The following NAALADL2 variants were observed in gnomAD, a reference collection of about 807,000 sequenced individuals.
The protein encoded by NAALADL2 is inactive N-acetylated-alpha-linked acidic dipeptidase-like protein 2.
In NAALADL2, 76 loss-of-function variants were observed where a neutral mutation model predicts 87.2. That is an observed-to-expected ratio of 0.87 (90% CI 0.72 to 1.05). The LOEUF is 1.05. Among genes scored for constraint, NAALADL2 ranks in the 50% least tolerant of loss-of-function variants. The pLI, the probability that NAALADL2 is intolerant of heterozygous loss-of-function variation, is 0.00. For missense variants in NAALADL2, 1,089 were observed against 945.8 expected, an observed-to-expected ratio of 1.15 and a Z score of -1.99; for synonymous variants, 354 against 331.0, an observed-to-expected ratio of 1.07 and a Z score of -0.75.
At chr3:174,923,841 T>A (rs1443889087) in intron 1 of NAALADL2, among the ~76,000 whole-genome samples, 1 of 152,146 alleles carries the variant, frequency 6.6e-6, no homozygotes, top group African/African-American at 2.4e-5. Flanking sequence ...AGAGGTAGAA[T>A]ACAGAACCTC....
At chr3:174,784,602 C>T (rs1716378862) in intron 3 of NAALADL2, among the ~76,000 whole-genome samples, 1 of 152,188 alleles carries the variant, frequency 6.6e-6, no homozygotes, top group Admixed American at 6.5e-5. Flanking sequence ...GGGAAGACAG[C>T]ATCAACATTG....
At chr3:175,414,874 A>T (rs1406524256) in intron 5 of NAALADL2, among the ~76,000 whole-genome samples, 1 of 152,180 alleles carries the variant, frequency 6.6e-6, no homozygotes, top group Non-Finnish European at 1.5e-5. Flanking sequence ...AGACAAAAAG[A>T]TATGAGAAGA....
chr3:175,596,145 A>G (rs1044913724), intron 10 of NAALADL2, among the ~76,000 whole-genome samples: 3 of 151,930 alleles, frequency 2.0e-5, no homozygotes, highest in African/African-American at 4.8e-5. Context: ...AGTATTTCCA[A>G]GTGAATTGCT....
chr3:175,619,540 G>A (rs906478113), intron 10 of NAALADL2, among the ~76,000 whole-genome samples: 9 of 150,752 alleles, frequency 6.0e-5, no homozygotes, highest in Admixed American at 2.0e-4. Flanking sequence ...CTTGCTCTAT[G>A]CTAATGGATT....
intron 1 of NAALADL2, among the ~76,000 whole-genome samples, chr3:174,943,973 C>T (rs967522109): frequency 6.6e-6 from 1 of 152,046 alleles, no homozygotes; most frequent in Admixed American, 6.5e-5. Flanking sequence ...TAACTGGAGG[C>T]CCAGGCCTGG....
intron 9 of NAALADL2, among the ~76,000 whole-genome samples, chr3:175,509,417 G>A (rs909363916): frequency 1.3e-5 from 2 of 152,060 alleles, no homozygotes; most frequent in Non-Finnish European, 2.9e-5. Context: ...TTCCTCTCTT[G>A]GGGATATGTA....
In NAALADL2 at chr3:175,097,011, C is replaced by A. The variant is rs767910178; in HGVS notation, c.265C>A (p.Pro89Thr). Residue 89 changes from proline (P) to threonine (T), a missense_variant, in exon 2 of 14, where the codon CCA (proline) becomes ACA (threonine). Transcript: ENST00000454872. Reference protein sequence around the residue: ...TIDLNLDSIQPATSPKGRFQR... With the variant: ...TIDLNLDSIQTATSPKGRFQR... Reference sequence around the variant, plus strand: ...AGACCTCAATCTTGATTCCATTCAACCAGCAACTTCACCCAAAGGAAGGTT... The same window carrying A: ...AGACCTCAATCTTGATTCCATTCAAACAGCAACTTCACCCAAAGGAAGGTT... 6.2e-7 allele frequency: 1 copy of A among 1,613,526 alleles called. No individual in the cohort carries two copies.
intron 3 of NAALADL2, among the ~76,000 whole-genome samples, chr3:174,786,461 A>T (rs367738136): frequency 0.016 from 2,277 of 139,052 alleles, 46 homozygotes; most frequent in South Asian, 0.059. Flanking sequence ...AAAAAAAAAA[A>T]AAAAATAATA....
At chr3:174,827,135 CT>C (rs1314330641) in intron 3 of NAALADL2, among the ~76,000 whole-genome samples, 1 of 152,004 alleles carries the variant, frequency 6.6e-6, no homozygotes, top group Admixed American at 6.6e-5. Flanking sequence ...TTCTCACTCA[CT>C]TTTTTTTCTC....
intron 1 of NAALADL2, among the ~76,000 whole-genome samples, chr3:174,529,350 G>A (rs1721038918): frequency 6.6e-6 from 1 of 152,160 alleles, no homozygotes; most frequent in Non-Finnish European, 1.5e-5. Context: ...CTGCCCCTGT[G>A]GCTCTGCAGG....
chr3:174,993,217 A>G (rs1052799009), intron 1 of NAALADL2, among the ~76,000 whole-genome samples: 6 of 152,160 alleles, frequency 3.9e-5, no homozygotes, highest in African/African-American at 1.4e-4. Context: ...AAAAGAAACA[A>G]TAAGTAAATT....
At chr3:174,682,046 T>C (rs9864112) in intron 2 of NAALADL2, among the ~76,000 whole-genome samples, 6,323 of 151,280 alleles carry the variant, frequency 0.042, 468 homozygotes, top group African/African-American at 0.14. Context: ...ATGGGGAGAG[T>C]GCTTGTACAA....
chr3:174,735,891 C>T (rs1015926159), intron 2 of NAALADL2, among the ~76,000 whole-genome samples: 3 of 152,148 alleles, frequency 2.0e-5, no homozygotes, highest in African/African-American at 7.2e-5. Flanking sequence ...GCGCTTGGCT[C>T]ACACTACTGG....
chr3:174,903,959 A>G (rs564655112), intron 1 of NAALADL2, among the ~76,000 whole-genome samples: 6 of 110,702 alleles, frequency 5.4e-5, no homozygotes, highest in Non-Finnish European at 9.1e-5. Flanking sequence ...AGGAATATCT[A>G]TATCTATATC....
At chr3:175,415,966 A>AG (rs1207198623) in intron 5 of NAALADL2, among the ~76,000 whole-genome samples, 1 of 151,400 alleles carries the variant, frequency 6.6e-6, no homozygotes, top group Non-Finnish European at 1.5e-5. Context: ...AAAAAAAAAA[A>AG]AAAAAAATTA....
At chr3:174,706,225 T>C (rs1025111411) in intron 2 of NAALADL2, among the ~76,000 whole-genome samples, 1 of 152,184 alleles carries the variant, frequency 6.6e-6, no homozygotes, top group Non-Finnish European at 1.5e-5. Flanking sequence ...TTTCAAAAAA[T>C]GGTGCTGGGG....
chr3:175,158,130 C>A lies in NAALADL2; in HGVS notation c.545+60839C>A, dbSNP rs368199496. Among the ~76,000 whole-genome samples the A allele has an allele frequency of 2.6e-5, 4 of 152,092 alleles. No homozygotes were observed. The South Asian group carries it at 6.2e-4, about 24-fold the overall frequency. On this transcript the variant is annotated intron_variant, in intron 2 of 13. Coordinates refer to ENST00000454872, the MANE Select transcript of NAALADL2 (RefSeq NM_207015.3). Reference sequence around the variant, plus strand: ...AGAATCTAGGTAGAATCATTTATTTCTTCAATCACCAAACATTTGTTTTGT... The same window carrying A: ...AGAATCTAGGTAGAATCATTTATTTATTCAATCACCAAACATTTGTTTTGT...
chr3:174,903,950 G>A (rs541274851), intron 1 of NAALADL2, among the ~76,000 whole-genome samples: 12 of 147,058 alleles, frequency 8.2e-5, no homozygotes, highest in Middle Eastern at 3.5e-3. Flanking sequence ...GGGCCAGAAA[G>A]GAATATCTAT....
At chr3:174,747,421 A>T (rs907486885) in intron 3 of NAALADL2, among the ~76,000 whole-genome samples, 1 of 151,818 alleles carries the variant, frequency 6.6e-6, no homozygotes, top group African/African-American at 2.4e-5. Flanking sequence ...TAAAAAGTCA[A>T]GACCAGCCTG....
Sources: gnomAD v4.1 joint callset for allele counts (sites outside exome capture counted in the v4.1 genomes callset) on GRCh38, gnomAD v4.1.1 for gene constraint, MANE v1.5 for transcripts, NCBI Gene and HGNC (gene_info 2026-07-23, HGNC 2026-07-21) for gene names.